SORT1: variants seen among roughly 807,000 people sequenced by gnomAD.
SORT1 encodes the protein sortilin 1, also known as sortilin.
A neutral mutation model predicts 101.7 loss-of-function variants in SORT1; 39 were observed. The ratio of observed to expected loss-of-function variants is 0.38; its 90% CI spans 0.30 to 0.50. SORT1 has a LOEUF of 0.50. SORT1 is among the 20% of genes least tolerant of loss of function. The pLI is 0.90. For synonymous variants in SORT1, 396 were observed against 393.7 expected (o/e 1.01, Z -0.07); for missense variants, 878 against 1,040.4 (o/e 0.84, Z 2.15).
intron 5 of SORT1, among the ~76,000 whole-genome samples, chr1:109,352,388 C>T (rs899999876): frequency 1.3e-5 from 2 of 152,126 alleles, no homozygotes; most frequent in Admixed American, 6.5e-5. Context: ...AATAATGTCA[C>T]AGAAGCCAAA....
At position 109,317,855 on chromosome 1, in the gene SORT1, A is replaced by G; in HGVS notation, c.2139T>C (p.Asn713=). The stretch of plus-strand genomic sequence containing the variant: ...CAAGGGAGAAAAGGCCACCTCACCC[A>G]TTTGTTGTTAGGTGTTCTTCTCTTC... ...LYGREEHLTT[N]GYRKIPGDKC... The change falls in exon 16 of 20, where the codon AAT becomes AAC. Residue 713 remains asparagine (N), a splice_region_variant and synonymous_variant. Coordinates refer to ENST00000256637, the MANE Select transcript of SORT1 (RefSeq NM_002959.7). 2 of 1,598,994 alleles carry G rather than the reference A, an allele frequency of 1.3e-6. No homozygotes were observed.
At chr1:109,366,717 G>C (rs1012746537) in intron 3 of SORT1, 1 of 152,178 alleles carries the variant, frequency 6.6e-6, no homozygotes, top group Non-Finnish European at 1.5e-5. Context: ...TACCAGACTG[G>C]GCAACATGGT....
intron 10 of SORT1, among the ~76,000 whole-genome samples, chr1:109,337,776 T>A (rs1204241339): frequency 6.6e-6 from 1 of 152,188 alleles, no homozygotes; most frequent in East Asian, 1.9e-4. Context: ...TACAGGTGCA[T>A]GCCACCAGGT....
rs1309875761 is a variant in SORT1, at chr1:109,314,520, G to A, written c.2358-136C>T. ...AAAGCACAGTCCATGGTTGACATAT[G>A]AAAAATGTACGACATGAGAAGATTT... is the stretch of plus-strand genomic sequence containing the variant. On this transcript the variant is annotated intron_variant, in intron 18 of 19. Transcript: ENST00000256637. 4.9e-6 allele frequency: 6 copies of A among 1,212,832 alleles called. No homozygotes were observed. In the Admixed American group the frequency reaches 1.4e-4, roughly 29 times the overall value. The allele number at this position is 1,212,832 out of a possible 1,614,324, so 75.1% of individuals were successfully genotyped here.
At chr1:109,367,721 T>A (rs898613342) in intron 2 of SORT1, among the ~76,000 whole-genome samples, 1 of 152,174 alleles carries the variant, frequency 6.6e-6, no homozygotes, top group Non-Finnish European at 1.5e-5. Context: ...CAAATACACA[T>A]TAAAATAAAA....
chr1:109,390,966 T>C (rs1251526476), intron 1 of SORT1, among the ~76,000 whole-genome samples: 3 of 152,142 alleles, frequency 2.0e-5, no homozygotes, highest in Non-Finnish European at 2.9e-5. Context: ...AATATATTTA[T>C]GGTAAGCTGA....
intron 13 of SORT1, among the ~76,000 whole-genome samples, chr1:109,325,469 A>G (rs1291034001): frequency 1.3e-5 from 2 of 151,630 alleles, no homozygotes; most frequent in Admixed American, 6.6e-5. Flanking sequence ...TGAACTCCTG[A>G]CCTCAGGTAA....
intron 11 of SORT1, among the ~76,000 whole-genome samples, chr1:109,335,918 TAA>T (rs1648792237): frequency 6.6e-6 from 1 of 152,230 alleles, no homozygotes; most frequent in Non-Finnish European, 1.5e-5. Flanking sequence ...GCAGAACCTC[TAA>T]AGTCTCCCAG....
At chr1:109,362,610 T>C (rs1650796602) in intron 3 of SORT1, among the ~76,000 whole-genome samples, 1 of 152,118 alleles carries the variant, frequency 6.6e-6, no homozygotes, top group Non-Finnish European at 1.5e-5. Flanking sequence ...GTAGAAATTT[T>C]GAAACTACAA....
chr1:109,345,996 G>A (rs977211390), intron 7 of SORT1, 115 bp from the exon 8 acceptor site: 3 of 851,866 alleles, frequency 3.5e-6, no homozygotes, highest in Admixed American at 2.6e-5. Flanking sequence ...TACTATGCAT[G>A]TTAATCAAGT....
chr1:109,354,604 T>C (rs1650185971), intron 4 of SORT1, 73 bp from the exon 5 acceptor site: 1 of 1,121,788 alleles, frequency 8.9e-7, no homozygotes, highest in Non-Finnish European at 1.3e-6. Flanking sequence ...TTACACCATT[T>C]TCACCAGACA....
intron 14 of SORT1, 97 bp from the exon 15 acceptor site, chr1:109,323,218 T>C (rs1647758215): frequency 1.2e-6 from 1 of 808,762 alleles, no homozygotes; most frequent in Non-Finnish European, 2.0e-6. Context: ...AGAGGGAAAG[T>C]GGGAATGTCT....
At chr1:109,319,133 G>A (rs1026573076) in intron 15 of SORT1, among the ~76,000 whole-genome samples, 7 of 152,114 alleles carry the variant, frequency 4.6e-5, no homozygotes, top group African/African-American at 1.7e-4. Flanking sequence ...TGCAGTACAC[G>A]GCAAATTTTT....
At chr1:109,320,817 G>GT (rs1647578038) in intron 15 of SORT1, among the ~76,000 whole-genome samples, 1 of 152,168 alleles carries the variant, frequency 6.6e-6, no homozygotes, top group African/African-American at 2.4e-5. Flanking sequence ...GGTTTTCCTG[G>GT]TAAGTATTTA....
chr1:109,395,821 T>C (rs145375511), intron 1 of SORT1, among the ~76,000 whole-genome samples: 1,807 of 152,248 alleles, frequency 0.012, 20 homozygotes, highest in Middle Eastern at 0.024. Context: ...ACGCCTCTAA[T>C]CTCAGCACTG....
intron 11 of SORT1, among the ~76,000 whole-genome samples, chr1:109,332,551 C>G (rs1648534820): frequency 6.6e-6 from 1 of 152,074 alleles, no homozygotes; most frequent in East Asian, 1.9e-4. Flanking sequence ...GTCAGGGTGA[C>G]AGACTAAGAC....
At chr1:109,355,056 C>A (rs1426171301) in intron 4 of SORT1, among the ~76,000 whole-genome samples, 3 of 151,654 alleles carry the variant, frequency 2.0e-5, no homozygotes, top group African/African-American at 7.3e-5. Flanking sequence ...AAACCCTCTA[C>A]AAAAAAATAC....
intron 1 of SORT1, chr1:109,389,796 G>C (rs1652792867): frequency 6.6e-6 from 1 of 152,064 alleles, no homozygotes; most frequent in Non-Finnish European, 1.5e-5. Flanking sequence ...CTTTCCTCTG[G>C]GACCTTCACA....
rs751410679 is a variant in SORT1 at position 109,336,243 on chromosome 1, A to G, written c.1368T>C (p.Asn456=). ...GCACACATTAGAGTAAACAAACCTCATTCTTGTTTTTTGCTGTAGCATCAC... is the reference window on the plus strand; with the variant it reads ...GCACACATTAGAGTAAACAAACCTCGTTCTTGTTTTTTGCTGTAGCATCAC... ...SECDATAKNK[N]ECSLHIHASY... The change falls in exon 11 of 20, where the codon AAT becomes AAC. Residue 456 remains asparagine (N), a synonymous_variant. Transcript: ENST00000256637. 5.6e-6 allele frequency: 9 copies of G among 1,602,068 alleles called. No individual in the cohort carries two copies. In the South Asian group the frequency reaches 6.6e-5, roughly 12 times the overall value.
Sources: gnomAD v4.1 joint callset for allele counts (sites outside exome capture counted in the v4.1 genomes callset) on GRCh38, gnomAD v4.1.1 for gene constraint, MANE v1.5 for transcripts, NCBI Gene and HGNC (gene_info 2026-07-23, HGNC 2026-07-21) for gene names.